The following KCNJ6 variants were observed in gnomAD, a reference collection of about 807,000 sequenced individuals.
KCNJ6 encodes potassium inwardly rectifying channel subfamily J member 6, also known as G protein-activated inward rectifier potassium channel 2.
In KCNJ6, 9 loss-of-function variants were observed where a neutral mutation model predicts 34.2. The observed-to-expected ratio is 0.26, with a 90% CI of 0.16 to 0.46. The LOEUF (loss-of-function observed/expected upper bound fraction) is 0.46, where lower values mean the gene tolerates loss of function less well. KCNJ6 is among the 20% of genes least tolerant of loss of function. KCNJ6 has a pLI of 1.00. For synonymous variants in KCNJ6, 196 were observed against 207.1 expected, an observed-to-expected ratio of 0.95 and a Z score of 0.46; for missense variants, 236 against 531.3, an observed-to-expected ratio of 0.44 and a Z score of 5.46.
intron 1 of KCNJ6, among the ~76,000 whole-genome samples, chr21:37,899,248 G>A (rs2123643344): frequency 6.6e-6 from 1 of 152,238 alleles, no homozygotes; most frequent in South Asian, 2.1e-4. Context: ...TATAATCTCG[G>A]TAGAAATCAT....
intron 2 of KCNJ6, among the ~76,000 whole-genome samples, chr21:37,733,647 A>G (rs567371674): frequency 4.5e-4 from 68 of 152,336 alleles, no homozygotes; most frequent in African/African-American, 1.6e-3. Context: ...TTTAAAAGAA[A>G]GCTTGATGTG....
At chr21:37,894,828 C>A (rs1335274067) in intron 1 of KCNJ6, among the ~76,000 whole-genome samples, 1 of 152,128 alleles carries the variant, frequency 6.6e-6, no homozygotes, top group Non-Finnish European at 1.5e-5. Context: ...GCATTTTCTT[C>A]AAATTTCTTT....
chr21:37,681,544 C>A (rs1188529521), intron 3 of KCNJ6, among the ~76,000 whole-genome samples: 1 of 149,986 alleles, frequency 6.7e-6, no homozygotes, highest in African/African-American at 2.4e-5. Context: ...TGATGAAGTG[C>A]TTCTGACAGG....
At chr21:37,758,782 C>T (rs2055044918) in intron 2 of KCNJ6, among the ~76,000 whole-genome samples, 1 of 152,054 alleles carries the variant, frequency 6.6e-6, no homozygotes, top group African/African-American at 2.4e-5. Context: ...AGGTACATGC[C>T]ACCATGCCTG....
At chr21:37,878,264 A>ATTT (rs11450480) in intron 1 of KCNJ6, among the ~76,000 whole-genome samples, 14 of 149,178 alleles carry the variant, frequency 9.4e-5, no homozygotes, top group African/African-American at 3.2e-4. Context: ...CATTTGTGGG[A>ATTT]TTTTTTTTTT....
chr21:37,716,925 T>C (rs2054794653), intron 2 of KCNJ6, among the ~76,000 whole-genome samples: 1 of 141,500 alleles, frequency 7.1e-6, no homozygotes, highest in South Asian at 2.2e-4. Context: ...CTGCCATGTG[T>C]TTCCTTTATG....
In KCNJ6 at chr21:37,614,637, T is replaced by TCA; in HGVS notation, c.*10521_*10522insTG. ...GCGTGTGTGTATGCATATGTCTGTG[T>TCA]GTGTATGCACGTGTGTGTATGCATG... On this transcript the variant is annotated 3_prime_UTR_variant, in exon 4 of 4. Coordinates refer to ENST00000609713, the MANE Select transcript of KCNJ6 (RefSeq NM_002240.5). The TCA allele has an allele frequency of 1.2e-5, 1 of 84,892 alleles. No individual in the cohort carries two copies. Among genetic ancestry groups the TCA allele is most frequent in the Non-Finnish European group, 3.1e-5 (1 of 32,202 alleles). 5.3% of individuals were successfully genotyped at this position (84,892 alleles called of 1,614,324 possible). A position where few individuals can be genotyped will look rare whatever the true frequency, so the allele number is the denominator to read the frequency against.
intron 3 of KCNJ6, among the ~76,000 whole-genome samples, chr21:37,626,950 T>C (rs973737328): frequency 1.3e-5 from 2 of 152,186 alleles, no homozygotes; most frequent in Non-Finnish European, 2.9e-5. Flanking sequence ...AATATAATAC[T>C]GTGGCCCTGT....
rs77733075 is a variant in KCNJ6, at chr21:37,686,262, T to C, written c.946+27949A>G. ...CATACGTGCTCTCTTGATACCCGGT[T>C]GAGGAGGGGGACAGGTGAAATCTAA... On this transcript the variant is annotated intron_variant, in intron 3 of 3. Transcript: ENST00000609713. Among the ~76,000 whole-genome samples, 1,162 of 152,184 alleles carry C rather than the reference T, an allele frequency of 7.6e-3. 18 individuals are homozygous for C. The highest frequency in any genetic ancestry group is 0.027 in the African/African-American group (1,112 of 41,518).
intron 3 of KCNJ6, among the ~76,000 whole-genome samples, chr21:37,705,583 A>T (rs2054715400): frequency 6.6e-6 from 1 of 152,208 alleles, no homozygotes; most frequent in Non-Finnish European, 1.5e-5. Context: ...GATGTGCATG[A>T]TTATCTCGTG....
At chr21:37,680,416 C>A (rs1006896341) in intron 3 of KCNJ6, among the ~76,000 whole-genome samples, 1 of 152,166 alleles carries the variant, frequency 6.6e-6, no homozygotes, top group African/African-American at 2.4e-5. Flanking sequence ...TGGCTGCTGT[C>A]AAATTCCTGG....
At chr21:37,886,379 G>T (rs2055735511) in intron 1 of KCNJ6, among the ~76,000 whole-genome samples, 1 of 152,090 alleles carries the variant, frequency 6.6e-6, no homozygotes, top group South Asian at 2.1e-4. Context: ...CCACCTGCAG[G>T]TCCTTGCTGC....
intron 2 of KCNJ6, among the ~76,000 whole-genome samples, chr21:37,758,405 G>C (rs1479326976): frequency 6.6e-6 from 1 of 152,216 alleles, no homozygotes; most frequent in African/African-American, 2.4e-5. Flanking sequence ...CCATTCTTAA[G>C]ATGGGAGTAT....
chr21:37,630,287 T>C (rs1385643690), intron 3 of KCNJ6, among the ~76,000 whole-genome samples: 1 of 152,212 alleles, frequency 6.6e-6, no homozygotes, highest in Non-Finnish European at 1.5e-5. Context: ...AACCTGATCT[T>C]GATCTCCTTT....
intron 2 of KCNJ6, among the ~76,000 whole-genome samples, chr21:37,804,076 T>C (rs1436459774): frequency 6.6e-6 from 1 of 152,212 alleles, no homozygotes; most frequent in Non-Finnish European, 1.5e-5. Context: ...AAGGAGATAT[T>C]AAAATCTGCC....
At chr21:37,881,583 A>G (rs941097791) in intron 1 of KCNJ6, among the ~76,000 whole-genome samples, 4 of 152,114 alleles carry the variant, frequency 2.6e-5, no homozygotes, top group Admixed American at 6.5e-5. Context: ...TGGCACGATC[A>G]CAGCTCACTA....
chr21:37,785,505 T>A (rs2055188679), intron 2 of KCNJ6, among the ~76,000 whole-genome samples: 1 of 152,210 alleles, frequency 6.6e-6, no homozygotes, highest in Non-Finnish European at 1.5e-5. Context: ...TGGGTTTTCA[T>A]CATTGTTACA....
rs1290390715 is a variant in KCNJ6, at chr21:37,616,896, T to A, written c.*8263A>T. On this transcript the variant is annotated 3_prime_UTR_variant, in exon 4 of 4. Transcript: ENST00000609713. Reference sequence around the variant, plus strand: ...TAAGTTGTGTCTGTAAGTGCTGCAATGCAGAGTTCCTTGCAGATAATAACG... The same window carrying A: ...TAAGTTGTGTCTGTAAGTGCTGCAAAGCAGAGTTCCTTGCAGATAATAACG... 1 of 151,948 alleles carries A rather than the reference T, an allele frequency of 6.6e-6. No individual in the cohort carries two copies. The highest frequency in any genetic ancestry group is 1.5e-5 in the Non-Finnish European group (1 of 68,000). The allele number at this position is 151,948 out of a possible 1,614,324, so 9.4% of individuals were successfully genotyped here.
At position 37,613,575 on chromosome 21, in the gene KCNJ6, GTGTT is replaced by G. The variant is rs1382627319; in HGVS notation, c.*11580_*11583del. 1 of 152,176 alleles carries G rather than the reference GTGTT, an allele frequency of 6.6e-6. No individual in the cohort carries two copies. The highest frequency in any genetic ancestry group is 1.5e-5 in the Non-Finnish European group (1 of 68,034). The allele number at this position is 152,176 out of a possible 1,614,324, so 9.4% of individuals were successfully genotyped here. ...AGTGGTACATCCAGAAAATGGATGA[GTGTT>G]TGGTGCTAAAAAAGTGAGCTCTCAA... On this transcript the variant is annotated 3_prime_UTR_variant, in exon 4 of 4. Coordinates refer to ENST00000609713, the MANE Select transcript of KCNJ6 (RefSeq NM_002240.5).
Sources: gnomAD v4.1 joint callset for allele counts (sites outside exome capture counted in the v4.1 genomes callset) on GRCh38, gnomAD v4.1.1 for gene constraint, MANE v1.5 for transcripts, NCBI Gene and HGNC (gene_info 2026-07-23, HGNC 2026-07-21) for gene names.